Variants in SV2C observed in about 807,000 individuals in gnomAD.
SV2C encodes solute carrier family 22 member B3.
In SV2C, 49 loss-of-function variants were observed where a neutral mutation model predicts 79.7. That is an observed-to-expected ratio of 0.61 (90% CI 0.49 to 0.78). The LOEUF (loss-of-function observed/expected upper bound fraction) is 0.78, where lower values mean the gene tolerates loss of function less well. SV2C is among the 30% of genes least tolerant of loss of function. SV2C has a pLI of 0.00. For missense variants in SV2C, 833 were observed against 912.9 expected (o/e 0.91, Z 1.13); for synonymous variants, 334 against 333.2 (o/e 1.00, Z -0.03).
At chr5:76,260,494 G>A (rs1324863653) in intron 4 of SV2C, among the ~76,000 whole-genome samples, 1 of 152,150 alleles carries the variant, frequency 6.6e-6, no homozygotes. Flanking sequence ...TGCTTTTGGT[G>A]CTTTAGTCAT....
At chr5:76,057,892 G>A in the SV2C span, among the ~76,000 whole-genome samples, 13 of 152,042 alleles carry the variant, frequency 8.6e-5, no homozygotes, top group African/African-American at 2.7e-4. Context: ...TTGAAACAGC[G>A]TGTTTATGAA....
the SV2C span, among the ~76,000 whole-genome samples, chr5:76,031,197 A>G: frequency 6.6e-6 from 1 of 152,202 alleles, no homozygotes; most frequent in African/African-American, 2.4e-5. Context: ...CAAACTGATC[A>G]TCATTTGGTC....
At chr5:75,915,810 G>A in the SV2C span, among the ~76,000 whole-genome samples, 15 of 152,180 alleles carry the variant, frequency 9.9e-5, no homozygotes, top group Non-Finnish European at 2.1e-4. Context: ...TGGTCAAGAT[G>A]CTTAACGAAA....
chr5:76,231,819 T>C (rs1028350943), intron 4 of SV2C, among the ~76,000 whole-genome samples: 1 of 146,560 alleles, frequency 6.8e-6, no homozygotes, highest in Non-Finnish European at 1.5e-5. Context: ...TGCCACATTT[T>C]CTTAATCCAG....
At chr5:76,135,567 G>C (rs984258724) in intron 2 of SV2C, among the ~76,000 whole-genome samples, 1 of 152,146 alleles carries the variant, frequency 6.6e-6, no homozygotes, top group Non-Finnish European at 1.5e-5. Context: ...GTAGAGGCTG[G>C]CAATTAAGAG....
chr5:76,249,515 G>C (rs1221166639), intron 4 of SV2C, among the ~76,000 whole-genome samples: 1 of 152,132 alleles, frequency 6.6e-6, no homozygotes, highest in Admixed American at 6.5e-5. Context: ...GTAATTTAAA[G>C]CCAATTTGGG....
chr5:76,137,800 T>C (rs1749118427), intron 2 of SV2C, among the ~76,000 whole-genome samples: 1 of 152,166 alleles, frequency 6.6e-6, no homozygotes. Context: ...TAGATGTGCT[T>C]GTTCTACAGA....
the SV2C span, among the ~76,000 whole-genome samples, chr5:76,001,315 T>C: frequency 2.0e-5 from 3 of 152,146 alleles, no homozygotes; most frequent in African/African-American, 7.2e-5. Context: ...AAAAATCTCT[T>C]TTCCGCCAGG....
At chr5:76,092,765 T>C (rs781585637) in intron 1 of SV2C, among the ~76,000 whole-genome samples, 2 of 152,150 alleles carry the variant, frequency 1.3e-5, no homozygotes. Flanking sequence ...CCATCTCTTC[T>C]TCCCCAACTC....
the SV2C span, among the ~76,000 whole-genome samples, chr5:76,033,779 G>A: frequency 6.6e-6 from 1 of 152,006 alleles, no homozygotes; most frequent in Non-Finnish European, 1.5e-5. Flanking sequence ...TTCCAATTCT[G>A]TGAAGAAAGT....
intron 12 of SV2C, among the ~76,000 whole-genome samples, chr5:76,339,439 G>A (rs1427846811): frequency 6.6e-6 from 1 of 152,114 alleles, no homozygotes; most frequent in African/African-American, 2.4e-5. Flanking sequence ...ATTTCAATGG[G>A]CATGGTGGCT....
intron 2 of SV2C, among the ~76,000 whole-genome samples, chr5:76,161,388 G>A (rs937945259): frequency 3.3e-5 from 5 of 152,106 alleles, no homozygotes; most frequent in Admixed American, 1.3e-4. Context: ...ATGGGATGGT[G>A]GTGGGGTGGC....
Position 76,332,749 on chromosome 5 carries a change from C to G in SV2C, c.*7202C>G, listed in dbSNP as rs1197384578. On this transcript the variant is annotated 3_prime_UTR_variant, in exon 13 of 13. Transcript: ENST00000502798. ...CAACAAAGCCATGCAAATCAGACTCCTCCTAACCCCTAAGACAGTTGTTAA... is the reference window on the plus strand; with the variant it reads ...CAACAAAGCCATGCAAATCAGACTCGTCCTAACCCCTAAGACAGTTGTTAA... 1.3e-5 allele frequency: 2 copies of G among 152,178 alleles called. No homozygotes were observed. The highest frequency in any genetic ancestry group is 2.9e-5 in the Non-Finnish European group (2 of 68,050). The allele number at this position is 152,178 out of a possible 1,614,324, so 9.4% of individuals were successfully genotyped here.
intron 12 of SV2C, among the ~76,000 whole-genome samples, chr5:76,312,800 A>C (rs1748496407): frequency 6.6e-6 from 1 of 152,184 alleles, no homozygotes; most frequent in South Asian, 2.1e-4. Context: ...AAAGGATTTG[A>C]GGATCTGATT....
At chr5:75,995,163 A>G in the SV2C span, among the ~76,000 whole-genome samples, 68 of 152,100 alleles carry the variant, frequency 4.5e-4, no homozygotes, top group African/African-American at 1.4e-3. Context: ...TACATAGTCT[A>G]TCAACTTAAA....
At chr5:75,860,544 G>A in the SV2C span, among the ~76,000 whole-genome samples, 1,519 of 152,162 alleles carry the variant, frequency 1.0e-2, 22 homozygotes, top group African/African-American at 0.035. Context: ...ATGCTATTCC[G>A]ATTCAACTAC....
chr5:75,955,721 A>C, the SV2C span, among the ~76,000 whole-genome samples: 5 of 149,152 alleles, frequency 3.4e-5, no homozygotes, highest in Non-Finnish European at 7.5e-5. Flanking sequence ...CAACCCCATC[A>C]AAAAGTGGGT....
intron 4 of SV2C, among the ~76,000 whole-genome samples, chr5:76,264,796 C>A (rs1293383775): frequency 6.6e-6 from 1 of 152,216 alleles, no homozygotes; most frequent in Non-Finnish European, 1.5e-5. Context: ...CTGCCTGCTC[C>A]TTCCTCTGGA....
chr5:76,273,028 G>A (rs978683227), intron 4 of SV2C, among the ~76,000 whole-genome samples: 1 of 151,452 alleles, frequency 6.6e-6, no homozygotes, highest in Non-Finnish European at 1.5e-5. Flanking sequence ...TCTATTTATA[G>A]ACTAATGAGC....
Sources: allele counts gnomAD v4.1 joint callset (sites outside exome capture counted in the v4.1 genomes callset), GRCh38; gene constraint gnomAD v4.1.1; transcripts MANE v1.5; gene names NCBI Gene and HGNC (gene_info 2026-07-23, HGNC 2026-07-21).